The following MAGI2 variants were observed in gnomAD, a reference collection of about 807,000 sequenced individuals.
MAGI2 encodes membrane associated guanylate kinase, WW and PDZ domain containing 2.
In MAGI2, 35 loss-of-function variants were observed where a neutral mutation model predicts 133.3. The observed-to-expected ratio is 0.26, with a 90% CI of 0.20 to 0.35. The LOEUF (loss-of-function observed/expected upper bound fraction) is 0.35, where lower values mean the gene tolerates loss of function less well. Among genes scored for constraint, MAGI2 ranks in the 10% least tolerant of loss-of-function variants. The pLI, the probability that MAGI2 is intolerant of heterozygous loss-of-function variation, is 1.00. For synonymous variants in MAGI2, 729 were observed against 710.6 expected, an observed-to-expected ratio of 1.03 and a Z score of -0.41; for missense variants, 1,636 against 1,863.4, an observed-to-expected ratio of 0.88 and a Z score of 2.25.
At chr7:78,055,769 A>G (rs969546519) in intron 21 of MAGI2, among the ~76,000 whole-genome samples, 6 of 152,200 alleles carry the variant, frequency 3.9e-5, no homozygotes, top group Admixed American at 3.9e-4. Context: ...TATGATAATG[A>G]GCTGCCTGGC....
chr7:78,487,906 A>C (rs1311862909), intron 6 of MAGI2, among the ~76,000 whole-genome samples: 1 of 152,068 alleles, frequency 6.6e-6, no homozygotes, highest in East Asian at 1.9e-4. Context: ...ATCCATTAAC[A>C]TCCAGTGTTG....
In MAGI2 at chr7:79,280,926, GAAAAAAAAAAAAAAA is replaced by G. The variant is rs71095390; in HGVS notation, c.301+172079_301+172093del. Among the ~76,000 whole-genome samples, 40 of 35,782 alleles carry G rather than the reference GAAAAAAAAAAAAAAA, an allele frequency of 1.1e-3. No individual in the cohort carries two copies. The South Asian group carries it at 0.016, about 14-fold the overall frequency. The allele number at this position is 35,782 out of a possible 152,430, so 23.5% of individuals were successfully genotyped here. On this transcript the variant is annotated intron_variant, in intron 1 of 21. Coordinates refer to ENST00000354212, the MANE Select transcript of MAGI2 (RefSeq NM_012301.4). ...GGTGACAGAGCAAGACTCTGTCTCT[GAAAAAAAAAAAAAAA>G]AAAAAAAAAAAAAAAAAAAAAAAAG...
At chr7:79,070,832 T>C (rs1265569387) in intron 1 of MAGI2, among the ~76,000 whole-genome samples, 1 of 152,178 alleles carries the variant, frequency 6.6e-6, no homozygotes, top group Non-Finnish European at 1.5e-5. Context: ...GTTATTCTAG[T>C]TAGCAATCGT....
intron 2 of MAGI2, among the ~76,000 whole-genome samples, chr7:78,712,485 G>A (rs956976481): frequency 6.6e-6 from 1 of 152,186 alleles, no homozygotes; most frequent in Non-Finnish European, 1.5e-5. Flanking sequence ...TTGATTCCCA[G>A]TGCAAGCTAA....
At chr7:78,772,362 C>T (rs1825663092) in intron 2 of MAGI2, among the ~76,000 whole-genome samples, 1 of 152,168 alleles carries the variant, frequency 6.6e-6, no homozygotes, top group Non-Finnish European at 1.5e-5. Flanking sequence ...GACCAACAAG[C>T]ATCAGAAGAA....
rs545586851 is a variant in MAGI2, at chr7:79,346,465, C to T, written c.301+106555G>A. On this transcript the variant is annotated intron_variant, in intron 1 of 21. Coordinates refer to ENST00000354212, the MANE Select transcript of MAGI2 (RefSeq NM_012301.4). ...AAACAGCTTTTGATTCTGATTTATCCTGCTCATCAGCCTGTTACTGCCTCA... is the reference window on the plus strand; with the variant it reads ...AAACAGCTTTTGATTCTGATTTATCTTGCTCATCAGCCTGTTACTGCCTCA... 2.3e-4 allele frequency among the ~76,000 whole-genome samples: 35 copies of T among 151,998 alleles called. No individual in the cohort carries two copies. In the South Asian group the frequency reaches 2.7e-3, roughly 12 times the overall value.
intron 2 of MAGI2, among the ~76,000 whole-genome samples, chr7:78,847,186 TA>T (rs1377622876): frequency 6.6e-6 from 1 of 152,038 alleles, no homozygotes; most frequent in Non-Finnish European, 1.5e-5. Context: ...AGACATCTCA[TA>T]ATTAATATAT....
intron 2 of MAGI2, among the ~76,000 whole-genome samples, chr7:78,660,282 A>G (rs1300856625): frequency 6.6e-6 from 1 of 152,126 alleles, no homozygotes; most frequent in East Asian, 1.9e-4. Context: ...AATAAAAATA[A>G]TAAAAAAAAA....
intron 1 of MAGI2, among the ~76,000 whole-genome samples, chr7:79,022,882 C>G (rs962944112): frequency 6.6e-6 from 1 of 152,096 alleles, no homozygotes; most frequent in Admixed American, 6.6e-5. Flanking sequence ...CCAGAACAAG[C>G]TCAGGAACAG....
intron 2 of MAGI2, among the ~76,000 whole-genome samples, chr7:78,855,810 G>A (rs992097159): frequency 2.6e-5 from 4 of 152,184 alleles, no homozygotes; most frequent in Admixed American, 1.3e-4. Flanking sequence ...TCTAGTTCTA[G>A]ATCCTTGAGG....
chr7:78,541,937 AT>A (rs1340781785), intron 3 of MAGI2, among the ~76,000 whole-genome samples: 1 of 152,204 alleles, frequency 6.6e-6, no homozygotes, highest in Non-Finnish European at 1.5e-5. Context: ...TATGTTAGGA[AT>A]TGACAAATAT....
intron 10 of MAGI2, among the ~76,000 whole-genome samples, chr7:78,242,445 T>C (rs992663242): frequency 2.6e-5 from 4 of 152,246 alleles, no homozygotes; most frequent in Admixed American, 2.0e-4. Context: ...TAAGACTTCA[T>C]GGTGTATTTG....
At chr7:78,141,234 G>T (rs1041786306) in intron 16 of MAGI2, among the ~76,000 whole-genome samples, 1 of 152,128 alleles carries the variant, frequency 6.6e-6, no homozygotes, top group African/African-American at 2.4e-5. Context: ...AATGGAGACT[G>T]AGCACAGAGG....
chr7:78,471,258 G>A (rs765049145), intron 6 of MAGI2, among the ~76,000 whole-genome samples: 32 of 152,146 alleles, frequency 2.1e-4, no homozygotes, highest in Non-Finnish European at 3.7e-4. Context: ...AGTGAGACAT[G>A]AGAAGAAAAG....
At chr7:78,677,131 G>T (rs1034957989) in intron 2 of MAGI2, among the ~76,000 whole-genome samples, 3 of 151,824 alleles carry the variant, frequency 2.0e-5, no homozygotes, top group African/African-American at 7.3e-5. Context: ...GTAAGTTGAG[G>T]TCCATTACAT....
At chr7:79,335,726 G>GA (rs749494311) in intron 1 of MAGI2, among the ~76,000 whole-genome samples, 2 of 152,036 alleles carry the variant, frequency 1.3e-5, no homozygotes, top group South Asian at 4.2e-4. Context: ...AGGTAGAAAT[G>GA]AAAAAATTTG....
intron 9 of MAGI2, among the ~76,000 whole-genome samples, chr7:78,335,266 C>T (rs1386119376): frequency 6.6e-6 from 1 of 152,150 alleles, no homozygotes; most frequent in African/African-American, 2.4e-5. Context: ...GATTCGGAAA[C>T]ATCTGATCTG....
chr7:79,128,991 C>G (rs1020621424), intron 1 of MAGI2, among the ~76,000 whole-genome samples: 1 of 152,170 alleles, frequency 6.6e-6, no homozygotes, highest in South Asian at 2.1e-4. Context: ...CCACCTCAGC[C>G]TCCCGAGTAG....
chr7:78,968,462 A>G (rs1803513501), intron 2 of MAGI2, among the ~76,000 whole-genome samples: 3 of 149,176 alleles, frequency 2.0e-5, no homozygotes, highest in East Asian at 2.0e-4. Flanking sequence ...CAGGTCTTTT[A>G]TCTCCTAGGT....
Sources: allele counts gnomAD v4.1 joint callset (sites outside exome capture counted in the v4.1 genomes callset), GRCh38; gene constraint gnomAD v4.1.1; transcripts MANE v1.5; gene names NCBI Gene and HGNC (gene_info 2026-07-23, HGNC 2026-07-21).